Variants in CSGALNACT1 observed in about 807,000 individuals in gnomAD.
The protein encoded by CSGALNACT1 is beta4GalNAcT-1.
Under a neutral mutation model 51.0 loss-of-function variants are expected in CSGALNACT1, and 52 were observed. That is an observed-to-expected ratio of 1.02 (90% CI 0.82 to 1.29). The LOEUF (loss-of-function observed/expected upper bound fraction) is 1.29, where lower values mean the gene tolerates loss of function less well. CSGALNACT1 is among the 50% of genes most tolerant of loss of function. The pLI, the probability that CSGALNACT1 is intolerant of heterozygous loss-of-function variation, is 0.00. For missense variants in CSGALNACT1, 935 were observed against 679.2 expected (o/e 1.38, Z -4.19); for synonymous variants, 341 against 254.4 (o/e 1.34, Z -3.24).
chr8:19,610,686 C>T (rs1160209533), intron 1 of CSGALNACT1, among the ~76,000 whole-genome samples: 1 of 152,178 alleles, frequency 6.6e-6, no homozygotes, highest in Non-Finnish European at 1.5e-5. Flanking sequence ...CGAGGAAAGC[C>T]CTCCCACTCT....
At chr8:19,594,738 G>C (rs2048541662) in intron 2 of CSGALNACT1, among the ~76,000 whole-genome samples, 1 of 150,962 alleles carries the variant, frequency 6.6e-6, no homozygotes, top group African/African-American at 2.4e-5. Flanking sequence ...TTTTACTAGA[G>C]ACAGGGTTTC....
In CSGALNACT1 at chr8:19,419,134, C is replaced by T. The variant is rs1259967649; in HGVS notation, c.1133-384G>A. Among the ~76,000 whole-genome samples, 3 of 152,198 alleles carry T rather than the reference C, an allele frequency of 2.0e-5. No homozygotes were observed. In the South Asian group the frequency reaches 6.2e-4, roughly 32 times the overall value. On this transcript the variant is annotated intron_variant, in intron 7 of 9. Coordinates refer to ENST00000454498, the Ensembl canonical transcript of CSGALNACT1. ...GTGCTGGGATTACAGGCATGAGCCA[C>T]TGCGCCCGGCCTGCAGCCACTTTTC...
chr8:19,592,280 G>A (rs1050788994), intron 2 of CSGALNACT1, among the ~76,000 whole-genome samples: 3 of 152,154 alleles, frequency 2.0e-5, no homozygotes, highest in Non-Finnish European at 4.4e-5. Flanking sequence ...GTTTACTGAT[G>A]CTGATACTTG....
At chr8:19,426,268 G>T (rs979593184) in intron 6 of CSGALNACT1, among the ~76,000 whole-genome samples, 1 of 152,186 alleles carries the variant, frequency 6.6e-6, no homozygotes, top group Non-Finnish European at 1.5e-5. Context: ...GGGCACCAGA[G>T]AAACCCCTCC....
At chr8:19,611,921 G>A (rs1255130009) in intron 1 of CSGALNACT1, among the ~76,000 whole-genome samples, 1 of 151,872 alleles carries the variant, frequency 6.6e-6, no homozygotes, top group Non-Finnish European at 1.5e-5. Context: ...CTCCTGCTTG[G>A]ATCTGTTGCC....
intron 6 of CSGALNACT1, among the ~76,000 whole-genome samples, chr8:19,438,058 G>A (rs922038162): frequency 2.0e-5 from 3 of 152,152 alleles, no homozygotes; most frequent in South Asian, 2.1e-4. Flanking sequence ...ATGTGGTTAC[G>A]TGTAACCGTC....
chr8:19,671,867 A>G (rs571922453), intron 1 of CSGALNACT1, among the ~76,000 whole-genome samples: 1 of 152,330 alleles, frequency 6.6e-6, no homozygotes, highest in East Asian at 1.9e-4. Context: ...TCCCCAAGCC[A>G]TTAAATATTC....
chr8:19,405,890 T>C, exon 10 of CSGALNACT1: 3 of 1,614,224 alleles, frequency 1.9e-6, no homozygotes, highest in Non-Finnish European at 1.7e-6. Context: ...TTCATGGCCT[T>C]GGACTGCATG....
intron 1 of CSGALNACT1, among the ~76,000 whole-genome samples, chr8:19,645,681 T>C (rs1422473753): frequency 6.6e-6 from 1 of 152,226 alleles, no homozygotes; most frequent in Non-Finnish European, 1.5e-5. Flanking sequence ...CCTGGGTCAC[T>C]GATGCTGTGG....
intron 1 of CSGALNACT1, among the ~76,000 whole-genome samples, chr8:19,704,156 T>G (rs1444405927): frequency 1.3e-5 from 2 of 152,206 alleles, no homozygotes; most frequent in African/African-American, 4.8e-5. Flanking sequence ...TTCTCTTCTC[T>G]CCCTCCTTTC....
intron 3 of CSGALNACT1, among the ~76,000 whole-genome samples, chr8:19,528,028 AG>A (rs2082038278): frequency 6.6e-6 from 1 of 152,164 alleles, no homozygotes; most frequent in South Asian, 2.1e-4. Flanking sequence ...AGCCAGGAAG[AG>A]GAAATAAGCC....
chr8:19,454,077 C>G (rs1490631297), intron 5 of CSGALNACT1, among the ~76,000 whole-genome samples: 1 of 152,206 alleles, frequency 6.6e-6, no homozygotes, highest in Non-Finnish European at 1.5e-5. Flanking sequence ...TTACACTTCA[C>G]CAGATCATTT....
chr8:19,471,825 A>T (rs774718213), intron 4 of CSGALNACT1, among the ~76,000 whole-genome samples: 1 of 152,204 alleles, frequency 6.6e-6, no homozygotes, highest in Non-Finnish European at 1.5e-5. Context: ...TTTAAGTCTA[A>T]CTTGCTCCAG....
exon 4 of CSGALNACT1, chr8:19,505,709 C>T (rs778585105): frequency 1.2e-6 from 2 of 1,614,222 alleles, no homozygotes; most frequent in South Asian, 1.1e-5. Context: ...GCAGTGCCAG[C>T]TGCTCCTCGT....
intron 1 of CSGALNACT1, among the ~76,000 whole-genome samples, chr8:19,733,670 C>T (rs1185032154): frequency 6.6e-6 from 1 of 152,174 alleles, no homozygotes; most frequent in South Asian, 2.1e-4. Context: ...AATGCCCGTG[C>T]TAAATTATGC....
chr8:19,616,113 C>T (rs187587203), intron 1 of CSGALNACT1, among the ~76,000 whole-genome samples: 1 of 151,998 alleles, frequency 6.6e-6, no homozygotes, highest in Non-Finnish European at 1.5e-5. Flanking sequence ...TGTTATCATA[C>T]AATACTAGGC....
intron 3 of CSGALNACT1, among the ~76,000 whole-genome samples, chr8:19,576,811 C>G (rs1164716493): frequency 1.3e-5 from 2 of 152,114 alleles, no homozygotes; most frequent in Non-Finnish European, 2.9e-5. Flanking sequence ...ACTAGTGTAT[C>G]TCTCAGAGAT....
intron 1 of CSGALNACT1, among the ~76,000 whole-genome samples, chr8:19,716,228 G>A (rs2062800714): frequency 6.6e-6 from 1 of 152,034 alleles, no homozygotes; most frequent in Non-Finnish European, 1.5e-5. Context: ...CAGGGGGAAA[G>A]TCATACGCCA....
At chr8:19,565,686 A>G (rs796232809) in intron 3 of CSGALNACT1, among the ~76,000 whole-genome samples, 2 of 152,340 alleles carry the variant, frequency 1.3e-5, no homozygotes, top group South Asian at 2.1e-4. Flanking sequence ...TGGGAGGCCA[A>G]GGTGGGTGGA....
Sources: allele counts gnomAD v4.1 joint callset (sites outside exome capture counted in the v4.1 genomes callset), GRCh38; gene constraint gnomAD v4.1.1; transcripts MANE v1.5; gene names NCBI Gene and HGNC (gene_info 2026-07-23, HGNC 2026-07-21).